The following NALF2 variants were observed in gnomAD, a reference collection of about 807,000 sequenced individuals.
NALF2 encodes the protein bB57D9.1 (TED protein).
Under a neutral mutation model 24.8 loss-of-function variants are expected in NALF2, and 1 was observed. The ratio of observed to expected loss-of-function variants is 0.04; its 90% CI spans 0.01 to 0.19. The LOEUF (loss-of-function observed/expected upper bound fraction) is 0.19, where lower values mean the gene tolerates loss of function less well. NALF2 is among the 10% of genes least tolerant of loss of function. The probability of loss-of-function intolerance (pLI) is 1.00; values close to 1 mark genes in which losing one functional copy is unlikely to be tolerated. For missense variants in NALF2, 458 were observed against 409.6 expected (o/e 1.12, Z -1.02); for synonymous variants, 254 against 189.8 (o/e 1.34, Z -2.78).
chrX:69,517,046 T>A (rs1930672161), intron 1 of NALF2, among the ~76,000 whole-genome samples: 1 of 111,333 alleles, frequency 9.0e-6, no homozygotes, highest in African/African-American at 3.3e-5. Flanking sequence ...TCCACTGGCT[T>A]CAGTGGTTGT....
chrX:69,507,076 T>A (rs1441194855), intron 1 of NALF2, among the ~76,000 whole-genome samples: 4 of 111,882 alleles, frequency 3.6e-5, no homozygotes, highest in Non-Finnish European at 7.5e-5. Context: ...CCTGGCCAGG[T>A]GACCTGCCTT....
In NALF2 at chrX:69,530,046, G is replaced by A. The variant is rs1930879495; in HGVS notation, c.*90G>A. On this transcript the variant is annotated 3_prime_UTR_variant, in exon 3 of 3. Transcript: ENST00000252338. ...GGAGGGGGCTCCTCCCATGGGAGGTGTAGGATAAGGTGGGGGCGGGGGAAA... is the reference window on the plus strand; with the variant it reads ...GGAGGGGGCTCCTCCCATGGGAGGTATAGGATAAGGTGGGGGCGGGGGAAA... 1.7e-6 allele frequency: 1 copy of A among 577,195 alleles called. No individual in the cohort carries two copies. The highest frequency in any genetic ancestry group is 2.6e-6 in the Non-Finnish European group (1 of 382,661). The allele number at this position is 577,195 out of a possible 1,213,427, so 47.6% of individuals were successfully genotyped here.
chrX:69,522,082 AG>A (rs976546314), intron 1 of NALF2, among the ~76,000 whole-genome samples: 1 of 112,101 alleles, frequency 8.9e-6, no homozygotes, highest in Non-Finnish European at 1.9e-5. Flanking sequence ...GTTCAAAATA[AG>A]GAAGAACTTC....
At chrX:69,508,808 G>A (rs187310634) in intron 1 of NALF2, among the ~76,000 whole-genome samples, 162 of 111,974 alleles carry the variant, frequency 1.4e-3, no homozygotes, top group African/African-American at 4.9e-3. Context: ...GGATCCCTGC[G>A]AGATGACGCC....
Position 69,531,775 on chromosome X carries a change from C to G in NALF2, c.*1819C>G, listed in dbSNP as rs1930908007. The stretch of plus-strand genomic sequence containing the variant: ...CCCCAACCCTACCCCTGTGCCCTGC[C>G]TACACACTCCCGTTTGGCCCTCAGC... On this transcript the variant is annotated 3_prime_UTR_variant, in exon 3 of 3. Coordinates refer to ENST00000252338, the MANE Select transcript of NALF2 (RefSeq NM_015686.3). The G allele has an allele frequency of 8.9e-6, 1 of 111,864 alleles. No individual in the cohort carries two copies. Among genetic ancestry groups the G allele is most frequent in the Non-Finnish European group, 1.9e-5 (1 of 53,089 alleles). 9.2% of individuals were successfully genotyped at this position (111,864 alleles called of 1,213,427 possible).
At chrX:69,516,579 G>T (rs1368467525) in intron 1 of NALF2, among the ~76,000 whole-genome samples, 1 of 112,124 alleles carries the variant, frequency 8.9e-6, no homozygotes, top group African/African-American at 3.2e-5. Context: ...CCAGGGCAAG[G>T]CTACTCTAGA....
At chrX:69,517,300 C>T (rs1046038715) in intron 1 of NALF2, among the ~76,000 whole-genome samples, 9 of 111,680 alleles carry the variant, frequency 8.1e-5, no homozygotes, top group African/African-American at 2.6e-4. Context: ...GAGCACAGTG[C>T]CTGCGAGATG....
At chrX:69,524,382 G>A (rs896616944) in intron 1 of NALF2, among the ~76,000 whole-genome samples, 8 of 111,441 alleles carry the variant, frequency 7.2e-5, no homozygotes, top group Middle Eastern at 4.6e-3. Flanking sequence ...ATGAGCCACC[G>A]CATCCAGCCC....
chrX:69,509,903 GCCTCACTTTTCTCA>G (rs1930554711), intron 1 of NALF2, among the ~76,000 whole-genome samples: 1 of 112,343 alleles, frequency 8.9e-6, no homozygotes, highest in African/African-American at 3.2e-5. Flanking sequence ...AACTCTCTGA[GCCTCACTTTTCTCA>G]CCTGTAAAAT....
At chrX:69,523,051 A>G (rs774538509) in intron 1 of NALF2, among the ~76,000 whole-genome samples, 53 of 112,513 alleles carry the variant, frequency 4.7e-4, no homozygotes, top group Non-Finnish European at 9.0e-4. Flanking sequence ...TTGCCTCCAC[A>G]GGCTCTGCGG....
At chrX:69,513,021 T>C (rs1340770060) in intron 1 of NALF2, among the ~76,000 whole-genome samples, 1 of 111,430 alleles carries the variant, frequency 9.0e-6, no homozygotes, top group Non-Finnish European at 1.9e-5. Flanking sequence ...GTTACCTTCC[T>C]GGAATAGCAA....
intron 1 of NALF2, among the ~76,000 whole-genome samples, chrX:69,509,424 T>A (rs1445111510): frequency 9.1e-6 from 1 of 110,438 alleles, no homozygotes; most frequent in Non-Finnish European, 1.9e-5. Context: ...ACATTCAGAC[T>A]AGGGGGAGTG....
chrX:69,506,081 G>T lies in NALF2; in HGVS notation c.799G>T (p.Val267Leu). The T allele has an allele frequency of 8.3e-7, 1 of 1,209,666 alleles. No homozygotes were observed. The highest frequency in any genetic ancestry group is 1.1e-6 in the Non-Finnish European group (1 of 894,316). The change falls in exon 1 of 3, where the codon GTG becomes TTG. Residue 267 changes from valine to leucine, a missense_variant. Physicochemically the swap from Val to Leu is conservative, Grantham distance 32. Transcript: ENST00000252338. ...GGAAAAATATGACGAGTTCGACCTCGTGCTGCATAAATACTTACAGGCGGA... is the reference window on the plus strand; with the variant it reads ...GGAAAAATATGACGAGTTCGACCTCTTGCTGCATAAATACTTACAGGCGGA... ...AQEKYDEFDL[V>L]LHKYLQAEEY...
rs1460687147 is a variant in NALF2, at chrX:69,530,986, G to C, written c.*1030G>C. Reference sequence around the variant, plus strand: ...GGAGGAGGGACTTAAGCCCAAGTGGGTCAGGCCTGGCCCAGGTCCTTATAC... The same window carrying C: ...GGAGGAGGGACTTAAGCCCAAGTGGCTCAGGCCTGGCCCAGGTCCTTATAC... On this transcript the variant is annotated 3_prime_UTR_variant, in exon 3 of 3. Coordinates refer to ENST00000252338, the MANE Select transcript of NALF2 (RefSeq NM_015686.3). The C allele has an allele frequency of 8.9e-6, 1 of 112,812 alleles. No homozygotes were observed. Among genetic ancestry groups the C allele is most frequent in the South Asian group, 3.7e-4 (1 of 2,716 alleles). 9.3% of individuals were successfully genotyped at this position (112,812 alleles called of 1,213,427 possible).
intron 1 of NALF2, among the ~76,000 whole-genome samples, chrX:69,527,749 G>A (rs1185113110): frequency 8.9e-6 from 1 of 111,917 alleles, no homozygotes; most frequent in African/African-American, 3.3e-5. Flanking sequence ...GAACAGGCAA[G>A]GTGCATGAGA....
At chrX:69,520,555 G>A (rs1930719821) in intron 1 of NALF2, among the ~76,000 whole-genome samples, 1 of 111,615 alleles carries the variant, frequency 9.0e-6, no homozygotes, top group African/African-American at 3.3e-5. Flanking sequence ...AAGCCTTTAT[G>A]CAGACCCTCC....
chrX:69,507,936 C>T (rs1930520094), intron 1 of NALF2, among the ~76,000 whole-genome samples: 1 of 111,351 alleles, frequency 9.0e-6, no homozygotes, highest in Admixed American at 9.6e-5. Flanking sequence ...CGATTTCTGT[C>T]TGGACCTGAA....
At chrX:69,520,892 C>T (rs1302557219) in intron 1 of NALF2, among the ~76,000 whole-genome samples, 1 of 111,572 alleles carries the variant, frequency 9.0e-6, no homozygotes, top group East Asian at 2.8e-4. Flanking sequence ...GCCCTCACAA[C>T]CTCTCACTCA....
intron 1 of NALF2, among the ~76,000 whole-genome samples, chrX:69,527,259 T>C (rs1466282699): frequency 8.9e-6 from 1 of 111,869 alleles, no homozygotes; most frequent in East Asian, 2.8e-4. Flanking sequence ...CATTTTAAAA[T>C]TTATAACATG....
Sources: allele counts gnomAD v4.1 joint callset (sites outside exome capture counted in the v4.1 genomes callset), GRCh38; gene constraint gnomAD v4.1.1; transcripts MANE v1.5; gene names NCBI Gene and HGNC (gene_info 2026-07-23, HGNC 2026-07-21).